DNHD1: variants seen among roughly 807,000 people sequenced by gnomAD.
The protein encoded by DNHD1 is dynein heavy chain domain 1.
A neutral mutation model predicts 458.1 loss-of-function variants in DNHD1; 383 were observed. The ratio of observed to expected loss-of-function variants is 0.84; its 90% CI spans 0.77 to 0.91. The LOEUF (loss-of-function observed/expected upper bound fraction) is 0.91, where lower values mean the gene tolerates loss of function less well. DNHD1 is among the 40% of genes least tolerant of loss of function. DNHD1 has a pLI of 0.00. For synonymous variants in DNHD1, 2,203 were observed against 2,376.9 expected, an observed-to-expected ratio of 0.93 and a Z score of 2.13; for missense variants, 5,336 against 5,866.1, an observed-to-expected ratio of 0.91 and a Z score of 2.95.
chr11:6,568,026 T>C, intron 36 of DNHD1, 30 bp from the exon 37 acceptor site: 1 of 1,537,006 alleles, frequency 6.5e-7, no homozygotes, highest in Non-Finnish European at 8.8e-7. Context: ...TCACTTTGAG[T>C]CATGCTGCCA....
chr11:6,560,488 T>C (rs1422985481), intron 28 of DNHD1, among the ~76,000 whole-genome samples: 1 of 152,182 alleles, frequency 6.6e-6, no homozygotes, highest in South Asian at 2.1e-4. Context: ...GAAAAGAAAG[T>C]CAGAGAGCAA....
chr11:6,539,440 G>A, intron 17 of DNHD1, 127 bp downstream of exon 17: 1 of 697,404 alleles, frequency 1.4e-6, no homozygotes, highest in Non-Finnish European at 2.4e-6. Flanking sequence ...CTGCCTGAAG[G>A]GCAGGAACAG....
chr11:6,502,712 T>C, intron 3 of DNHD1, 41 bp from the exon 4 acceptor site: 4 of 1,537,126 alleles, frequency 2.6e-6, no homozygotes, highest in South Asian at 2.6e-5. Context: ...GTACTTGACC[T>C]TTTTACTCTG....
chr11:6,555,303 G>A (rs1853439067), intron 24 of DNHD1, among the ~76,000 whole-genome samples: 1 of 151,906 alleles, frequency 6.6e-6, no homozygotes, highest in African/African-American at 2.4e-5. Flanking sequence ...TGATCTCCCG[G>A]CTCATTATGC....
intron 6 of DNHD1, among the ~76,000 whole-genome samples, chr11:6,509,558 A>G (rs1242295186): frequency 6.6e-6 from 1 of 152,122 alleles, no homozygotes; most frequent in Non-Finnish European, 1.5e-5. Flanking sequence ...TATATTCTCT[A>G]TGGAGAATAT....
chr11:6,533,667 T>C lies in DNHD1; in HGVS notation c.2506-14T>C. 1 of 1,537,024 alleles carries C rather than the reference T, an allele frequency of 6.5e-7. No individual in the cohort carries two copies. On this transcript the variant is annotated splice_polypyrimidine_tract_variant and intron_variant, in intron 13 of 42. Transcript: ENST00000254579. ...GGTTGTGGGGCTGCCGGTCTCATGC[T>C]GTAATTCCTGCAGTTGAATGAAGCC...
At chr11:6,522,320 G>T (rs1015741840) in intron 10 of DNHD1, among the ~76,000 whole-genome samples, 3 of 151,904 alleles carry the variant, frequency 2.0e-5, no homozygotes, top group African/African-American at 7.3e-5. Flanking sequence ...AGTTTCTTTT[G>T]CTGTGCAGAA....
At position 6,539,895 on chromosome 11, in the gene DNHD1, A is replaced by G. The variant is rs1216284957; in HGVS notation, c.3440A>G (p.Glu1147Gly). Residue 1147 changes from glutamate (E) to glycine (G), a missense_variant, in exon 18 of 43, where the codon GAA (glutamate) becomes GGA (glycine). Physicochemically the swap from Glu to Gly is moderately conservative, Grantham distance 98. This residue lies in a region of DNHD1 where 3,932 missense variants were observed against 4,365.6 expected (regional missense o/e 0.90). Transcript: ENST00000254579. Reference protein sequence around the residue: ...RINQVWQNENERIHAQETIRR... With the variant: ...RINQVWQNENGRIHAQETIRR... Reference sequence around the variant, plus strand: ...TTCCAGGTCTGGCAGAATGAAAATGAACGAATTCATGCCCAAGAGACTATA... The same window carrying G: ...TTCCAGGTCTGGCAGAATGAAAATGGACGAATTCATGCCCAAGAGACTATA... 1 of 1,551,712 alleles carries G rather than the reference A, an allele frequency of 6.4e-7. No individual in the cohort carries two copies.
In DNHD1 at chr11:6,568,562, GTGCTTCT is replaced by G. The variant is rs1564825007; in HGVS notation, c.12649_12655del (p.Ala4217CysfsTer5). ...TGGCTTATTGTGCCTGCAGAGTCTAGTGCTTCTTTGCCAGGTGAGGAGCTTAACCCCC... is the reference window on the plus strand; with the variant it reads ...TGGCTTATTGTGCCTGCAGAGTCTAGTTGCCAGGTGAGGAGCTTAACCCCC... On this transcript the variant is annotated frameshift_variant, in exon 38 of 43. Transcript: ENST00000254579. LOFTEE classifies it high-confidence loss of function. 6.2e-7 allele frequency: 1 copy of G among 1,614,006 alleles called. No homozygotes were observed. Among genetic ancestry groups the G allele is most frequent in the East Asian group, 2.2e-5 (1 of 44,884 alleles).
chr11:6,526,150 T>C (rs1418802839), intron 10 of DNHD1, among the ~76,000 whole-genome samples: 1 of 152,150 alleles, frequency 6.6e-6, no homozygotes, highest in Non-Finnish European at 1.5e-5. Flanking sequence ...CCTTTTTAGT[T>C]GTATAATTAC....
chr11:6,567,958 C>T (rs757496812), intron 36 of DNHD1, 98 bp downstream of exon 36: 81 of 1,484,016 alleles, frequency 5.5e-5, no homozygotes, highest in East Asian at 1.2e-4. Flanking sequence ...TTCTGTACTA[C>T]GTAGGGACTT....
rs1346767809 is a variant in DNHD1, at chr11:6,548,414, G to C, written c.7098+12G>C. On this transcript the variant is annotated intron_variant, in intron 23 of 42. Transcript: ENST00000254579. The surrounding 1 kb of genome is among the most constrained non-coding windows in gnomAD (Gnocchi z 4.4). ...ACCCTTCTATCCAGGTGTGAGGACA[G>C]TAAGGCAAGAGCTGGGGTTAGAACT... 6.4e-6 allele frequency: 10 copies of C among 1,550,810 alleles called. No individual in the cohort carries two copies. Among genetic ancestry groups the C allele is most frequent in the Non-Finnish European group, 7.0e-6 (8 of 1,146,464 alleles).
chr11:6,500,918 G>T (rs892233012), intron 3 of DNHD1, among the ~76,000 whole-genome samples: 1 of 152,008 alleles, frequency 6.6e-6, no homozygotes, highest in Non-Finnish European at 1.5e-5. Context: ...TAAAACAAAA[G>T]AATACTGTCT....
In DNHD1 at chr11:6,571,352, A is replaced by T. The variant is rs771622032; in HGVS notation, c.13840A>T (p.Ser4614Cys). Residue 4614 changes from serine to cysteine, a missense_variant, in exon 42 of 43, where the codon AGC becomes TGC. Ser to Cys is a moderately radical substitution (Grantham distance 112). Transcript: ENST00000254579. This position sits in a 1 kb window ranked among gnomAD's most constrained non-coding sequence, Gnocchi z 5.0. ...QNVPSSNFPG[S>C]RGSVSSQLQY... is the part of the protein sequence containing the mutation. ...TGTGCCCAGCTCGAATTTCCCTGGT[A>T]GCCGAGGCTCGGTCTCCAGTCAGCT... 1.9e-6 allele frequency: 3 copies of T among 1,612,476 alleles called. No homozygotes were observed. Among genetic ancestry groups the T allele is most frequent in the Non-Finnish European group, 2.5e-6 (3 of 1,179,436 alleles).
chr11:6,537,351 CTCATTCAT>C (rs1044277561), intron 14 of DNHD1, among the ~76,000 whole-genome samples: 2 of 152,024 alleles, frequency 1.3e-5, no homozygotes, highest in African/African-American at 2.4e-5. Flanking sequence ...AGTTCATTCG[CTCATTCAT>C]TCATTCATTC....
chr11:6,559,383 C>T, intron 28 of DNHD1, 100 bp downstream of exon 28: 1 of 992,702 alleles, frequency 1.0e-6, no homozygotes, highest in Non-Finnish European at 1.5e-6. Flanking sequence ...TCTTGTCCCC[C>T]TAAGCTTCCC....
Position 6,570,048 on chromosome 11 carries a change from C to T in DNHD1, c.12903C>T (p.Asp4301=), listed in dbSNP as rs773400905. The T allele has an allele frequency of 6.2e-7, 1 of 1,613,946 alleles. No homozygotes were observed. The highest frequency in any genetic ancestry group is 1.1e-5 in the South Asian group (1 of 91,084). ...VTLTQVLQTQ[D]QLWASLSNPR... is the part of the protein sequence containing the mutation. ...TAACCCAGGTTCTTCAGACCCAAGA[C>T]CAGCTGTGGGCAAGTCTTAGCAATC... The change falls in exon 40 of 43, where the codon GAC becomes GAT. Residue 4301 remains aspartate, a synonymous_variant. Transcript: ENST00000254579.
chr11:6,504,537 C>T (rs767237736), intron 4 of DNHD1, among the ~76,000 whole-genome samples: 45 of 152,326 alleles, frequency 3.0e-4, no homozygotes, highest in Middle Eastern at 3.4e-3. Context: ...GCAACCTCCA[C>T]CTCCCTGGTT....
rs766950781 is a variant in DNHD1, at chr11:6,533,865, A to G, written c.2690A>G (p.His897Arg). 32 of 1,550,566 alleles carry G rather than the reference A, an allele frequency of 2.1e-5. No individual in the cohort carries two copies. The South Asian group carries it at 3.5e-4, about 17-fold the overall frequency. The change falls in exon 14 of 43, where the codon CAT becomes CGT. Residue 897 changes from histidine (H) to arginine (R), a missense_variant. This residue lies in a region of DNHD1 where 3,932 missense variants were observed against 4,365.6 expected (regional missense o/e 0.90). Transcript: ENST00000254579. The stretch of plus-strand genomic sequence containing the variant: ...CCCTGCCCTCCTCCCCCACAACCAC[A>G]TCTACTCCACTGCCCTCTGCTTGCC... ...IPPCPPPPQP[H>R]LLHCPLLAPQ...
Sources: allele counts gnomAD v4.1 joint callset (sites outside exome capture counted in the v4.1 genomes callset), GRCh38; gene constraint gnomAD v4.1.1; regional missense constraint gnomAD v4.1.1; non-coding constraint Gnocchi (gnomAD v3.1); transcripts MANE v1.5; gene names NCBI Gene and HGNC (gene_info 2026-07-23, HGNC 2026-07-21).